The following SBNO2 variants were observed in gnomAD, a reference collection of about 807,000 sequenced individuals.
SBNO2 encodes protein strawberry notch homolog 2.
SBNO2 carries 89 observed loss-of-function variants against 146.3 expected under a neutral mutation model. The ratio of observed to expected loss-of-function variants is 0.61; its 90% CI spans 0.51 to 0.73. The LOEUF is 0.73. SBNO2 is among the 30% of genes least tolerant of loss of function. The pLI is 0.00. For synonymous variants in SBNO2, 1,147 were observed against 892.6 expected (o/e 1.29, Z -5.08); for missense variants, 2,092 against 2,003.7 (o/e 1.04, Z -0.84).
chr19:1,133,613 G>A (rs1362965057), intron 4 of SBNO2, among the ~76,000 whole-genome samples: 2 of 152,202 alleles, frequency 1.3e-5, no homozygotes, highest in Non-Finnish European at 2.9e-5. Context: ...GGTCCGTGCC[G>A]CTGGGGCGAG....
intron 4 of SBNO2, among the ~76,000 whole-genome samples, chr19:1,133,485 C>CT (rs1267640501): frequency 1.3e-5 from 2 of 152,196 alleles, no homozygotes; most frequent in Admixed American, 6.5e-5. Context: ...CCCTGAGGCC[C>CT]TGTGCCAGCC....
intron 5 of SBNO2, among the ~76,000 whole-genome samples, chr19:1,125,358 C>CAAAAA (rs35572800): frequency 3.0e-4 from 16 of 53,152 alleles, no homozygotes; most frequent in African/African-American, 1.1e-3. Context: ...GACTCCATCT[C>CAAAAA]AAAAAAAAAA....
At chr19:1,134,768 C>T (rs1199695163) in intron 4 of SBNO2, among the ~76,000 whole-genome samples, 1 of 152,078 alleles carries the variant, frequency 6.6e-6, no homozygotes, top group Non-Finnish European at 1.5e-5. Flanking sequence ...TGGATTTGGG[C>T]CCGGCACGGT....
At position 1,116,849 on chromosome 19, in the gene SBNO2, G is replaced by A. The variant is rs1163405789; in HGVS notation, c.1782C>T (p.Asn594=). Residue 594 remains asparagine (N), a synonymous_variant, in exon 16 of 32, where the codon AAC becomes AAT. Coordinates refer to ENST00000361757, the MANE Select transcript of SBNO2 (RefSeq NM_014963.3). The part of the protein sequence containing the change: ...EVLGENDGHL[N]CFVSAAEGVF... ...CTTACTCAGCGGCCGAGACGAAGCA[G>A]TTGAGGTGCCCATCGTTCTCCCCCA... 2 of 1,591,154 alleles carry A rather than the reference G, an allele frequency of 1.3e-6. No homozygotes were observed. Among genetic ancestry groups the A allele is most frequent in the Non-Finnish European group, 1.7e-6 (2 of 1,170,594 alleles).
chr19:1,111,833 G>C (rs1418926845), intron 23 of SBNO2, among the ~76,000 whole-genome samples, 163 bp downstream of exon 23: 1 of 148,444 alleles, frequency 6.7e-6, no homozygotes, highest in East Asian at 2.0e-4. Flanking sequence ...TGAGCCCCTA[G>C]AAGCCCCCTT....
At position 1,144,921 on chromosome 19, in the gene SBNO2, CAG is replaced by C. The variant is rs1491555423; in HGVS notation, c.279+2386_279+2387del. Among the ~76,000 whole-genome samples, 11 of 136,050 alleles carry C rather than the reference CAG, an allele frequency of 8.1e-5. No homozygotes were observed. Among genetic ancestry groups the C allele is most frequent in the East Asian group, 6.7e-4 (3 of 4,480 alleles). 89.3% of individuals were successfully genotyped at this position (136,050 alleles called of 152,430 possible). ...ACAGAGGCGGAGATGGAGACAGAGA[CAG>C]AGAGACAGAGACAGAGAGGGAGACA... On this transcript the variant is annotated intron_variant, in intron 4 of 31. Coordinates refer to ENST00000361757, the MANE Select transcript of SBNO2 (RefSeq NM_014963.3). The surrounding 1 kb of genome is among the most constrained non-coding windows in gnomAD (Gnocchi z 4.1).
chr19:1,154,338 G>A lies in SBNO2; in HGVS notation c.-62C>T, dbSNP rs1251568626. Reference sequence around the variant, plus strand: ...CAGGCGGCGGGACTCCAGGACCCGGGGCCGCCGGGGCGTCTATCTGGGCTT... The same window carrying A: ...CAGGCGGCGGGACTCCAGGACCCGGAGCCGCCGGGGCGTCTATCTGGGCTT... On this transcript the variant is annotated 5_prime_UTR_variant, in exon 2 of 32. Coordinates refer to ENST00000361757, the MANE Select transcript of SBNO2 (RefSeq NM_014963.3). 3.2e-6 allele frequency: 3 copies of A among 933,502 alleles called. No homozygotes were observed. The highest frequency in any genetic ancestry group is 4.2e-6 in the Non-Finnish European group (3 of 714,158). The allele number at this position is 933,502 out of a possible 1,614,324, so 57.8% of individuals were successfully genotyped here.
At chr19:1,166,615 GCGCACACACACA>G (rs1254716768) in intron 1 of SBNO2, among the ~76,000 whole-genome samples, 1 of 98,328 alleles carries the variant, frequency 1.0e-5, no homozygotes, top group Non-Finnish European at 2.0e-5. Context: ...GCAACTGCAC[GCGCACACACACA>G]CACACACACA....
chr19:1,116,999 C>A (rs1021199374), intron 15 of SBNO2, 73 bp from the exon 16 acceptor site: 31 of 1,387,946 alleles, frequency 2.2e-5, no homozygotes, highest in Non-Finnish European at 2.9e-5. Flanking sequence ...CCTGCCAGGC[C>A]TGGGGTGATG....
chr19:1,143,393 G>A (rs1390433921), intron 4 of SBNO2, among the ~76,000 whole-genome samples: 1 of 152,076 alleles, frequency 6.6e-6, no homozygotes, highest in Non-Finnish European at 1.5e-5. Context: ...GGGAGCTTGA[G>A]CCCAGGAGGT....
intron 1 of SBNO2, among the ~76,000 whole-genome samples, chr19:1,172,433 C>T (rs944500128): frequency 1.3e-5 from 2 of 152,244 alleles, no homozygotes; most frequent in South Asian, 4.1e-4. Flanking sequence ...CAGCCAGATC[C>T]CTGAAGGCCA....
chr19:1,160,376 G>T (rs1204852832), intron 1 of SBNO2, among the ~76,000 whole-genome samples: 1 of 152,244 alleles, frequency 6.6e-6, no homozygotes, highest in African/African-American at 2.4e-5. Flanking sequence ...GCCTCGGGGG[G>T]TCTGCGGGGC....
chr19:1,119,470 T>TCCC, intron 13 of SBNO2, 46 bp downstream of exon 13: 2 of 1,333,210 alleles, frequency 1.5e-6, no homozygotes, highest in East Asian at 2.5e-5. Flanking sequence ...TGAGGCCTCC[T>TCCC]CCCCACCCCC....
chr19:1,111,883 C>T (rs1599823245), intron 23 of SBNO2, 113 bp downstream of exon 23: 1 of 1,097,186 alleles, frequency 9.1e-7, no homozygotes, highest in East Asian at 2.6e-5. Context: ...CTCCAGACCA[C>T]TGAGCCCCAC....
chr19:1,147,427 G>GCGGTGGCCACGGGGGCATA lies in SBNO2; in HGVS notation c.168-8_168-7insTATGCCCCCGTGGCCACCG. On this transcript the variant is annotated splice_region_variant and splice_polypyrimidine_tract_variant and intron_variant, in intron 3 of 31. Transcript: ENST00000361757. Reference sequence around the variant, plus strand: ...GGCGGAGCTCATGAACGGGCTGGAGGGAGATGGGGGGGGGGGAGGTGAGAT... The same window carrying GCGGTGGCCACGGGGGCATA: ...GGCGGAGCTCATGAACGGGCTGGAGGCGGTGGCCACGGGGGCATAGAGATGGGGGGGGGGGAGGTGAGAT... 1 of 1,297,948 alleles carries GCGGTGGCCACGGGGGCATA rather than the reference G, an allele frequency of 7.7e-7. No homozygotes were observed. Among genetic ancestry groups the GCGGTGGCCACGGGGGCATA allele is most frequent in the Non-Finnish European group, 1.0e-6 (1 of 975,928 alleles). The allele number at this position is 1,297,948 out of a possible 1,614,324, so 80.4% of individuals were successfully genotyped here. A position where few individuals can be genotyped will look rare whatever the true frequency, so the allele number is the denominator to read the frequency against.
chr19:1,112,231 C>T lies in SBNO2; in HGVS notation c.2586G>A (p.Glu862=). Residue 862 remains glutamate (E), a synonymous_variant, in exon 22 of 32, where the codon GAG becomes GAA. Coordinates refer to ENST00000361757, the MANE Select transcript of SBNO2 (RefSeq NM_014963.3). The surrounding 1 kb of genome is among the most constrained non-coding windows in gnomAD (Gnocchi z 5.9). ...TGGCCACGATGGAGGCGAACCGGCGCTCCCCGGCCAGCTCCGAGATGAGGA... is the reference window on the plus strand; with the variant it reads ...TGGCCACGATGGAGGCGAACCGGCGTTCCCCGGCCAGCTCCGAGATGAGGA... The part of the protein sequence containing the change: ...YVFLISELAG[E]RRFASIVAKR... 1 of 1,591,332 alleles carries T rather than the reference C, an allele frequency of 6.3e-7. No individual in the cohort carries two copies. The highest frequency in any genetic ancestry group is 2.3e-5 in the East Asian group (1 of 43,934).
Position 1,149,326 on chromosome 19 carries a change from T to C in SBNO2, c.167+43A>G, listed in dbSNP as rs377412938. On this transcript the variant is annotated intron_variant, in intron 3 of 31. Coordinates refer to ENST00000361757, the MANE Select transcript of SBNO2 (RefSeq NM_014963.3). ...TCCGTTTGTAACTGTGACTTCAGAA[T>C]GAGCAAGCCTGGGGGCCAGGCGGGG... is the stretch of plus-strand genomic sequence containing the variant. The C allele has an allele frequency of 4.0e-5, 60 of 1,517,242 alleles. No individual in the cohort carries two copies. In the African/African-American group the frequency reaches 7.7e-4, roughly 20 times the overall value. The allele number at this position is 1,517,242 out of a possible 1,614,324, so 94.0% of individuals were successfully genotyped here.
At chr19:1,151,771 T>C (rs1217466522) in intron 2 of SBNO2, among the ~76,000 whole-genome samples, 1 of 152,186 alleles carries the variant, frequency 6.6e-6, no homozygotes, top group Non-Finnish European at 1.5e-5. Context: ...CAAGCGATTC[T>C]CCTGTCTCAG....
At position 1,119,196 on chromosome 19, in the gene SBNO2, C is replaced by A. The variant is rs1273157517; in HGVS notation, c.1374-32G>T. On this transcript the variant is annotated intron_variant, in intron 13 of 31. Coordinates refer to ENST00000361757, the MANE Select transcript of SBNO2 (RefSeq NM_014963.3). Reference sequence around the variant, plus strand: ...ATGGACACAGCCCCCGTGAGCACGGCCAGAGCCCGTGGGGATGGAGCCACT... The same window carrying A: ...ATGGACACAGCCCCCGTGAGCACGGACAGAGCCCGTGGGGATGGAGCCACT... 14 of 1,570,214 alleles carry A rather than the reference C, an allele frequency of 8.9e-6. No individual in the cohort carries two copies. In the Admixed American group the frequency reaches 2.3e-4, roughly 26 times the overall value.
Sources: gnomAD v4.1 joint callset for allele counts (sites outside exome capture counted in the v4.1 genomes callset) on GRCh38, gnomAD v4.1.1 for gene constraint, Gnocchi (gnomAD v3.1) non-coding constraint, MANE v1.5 for transcripts, NCBI Gene and HGNC (gene_info 2026-07-23, HGNC 2026-07-21) for gene names.